The following ETV6 variants were observed in gnomAD, a reference collection of about 807,000 sequenced individuals.
ETV6 encodes ETS variant transcription factor 6, also known as transcription factor ETV6.
ETV6 carries 16 observed loss-of-function variants against 51.1 expected under a neutral mutation model. That is an observed-to-expected ratio of 0.31 (90% CI 0.21 to 0.48). ETV6 has a LOEUF of 0.48. ETV6 is among the 20% of genes least tolerant of loss of function. The pLI is 0.99. For missense variants in ETV6, 458 were observed against 594.8 expected (o/e 0.77, Z 2.39); for synonymous variants, 240 against 224.1 (o/e 1.07, Z -0.64).
Position 11,649,877 on chromosome 12 carries a change from C to G in ETV6, c.-251C>G, listed in dbSNP as rs1863855259. 1 of 150,694 alleles carries G rather than the reference C, an allele frequency of 6.6e-6. No homozygotes were observed. 9.3% of individuals were successfully genotyped at this position (150,694 alleles called of 1,614,324 possible). A position where few individuals can be genotyped will look rare whatever the true frequency, so the allele number is the denominator to read the frequency against. On this transcript the variant is annotated 5_prime_UTR_variant, in exon 1 of 8. Transcript: ENST00000396373. ...CTGCGTCCCGGGTCCCCGCGCCGCG[C>G]CGCGACCTGCAGACCCCGCCGCCGC...
In ETV6 at chr12:11,859,118, G is replaced by GCTTTTTTTTTTTT. The variant is rs1565555150; in HGVS notation, c.463+5557_463+5558insCTTTTTTTTTTTT. Among the ~76,000 whole-genome samples the GCTTTTTTTTTTTT allele has an allele frequency of 3.6e-3, 150 of 41,800 alleles. 72 individuals are homozygous for GCTTTTTTTTTTTT. The highest frequency in any genetic ancestry group is 8.8e-3 in the African/African-American group (126 of 14,398). The allele number at this position is 41,800 out of a possible 152,430, so 27.4% of individuals were successfully genotyped here. A position where few individuals can be genotyped will look rare whatever the true frequency, so the allele number is the denominator to read the frequency against. On this transcript the variant is annotated intron_variant, in intron 4 of 7. Coordinates refer to ENST00000396373, the MANE Select transcript of ETV6 (RefSeq NM_001987.5). ...TAAAGAAGATGAGGTATATGAATCT[G>GCTTTTTTTTTTTT]GTTTTTTTTTTTTTTTTTTTTTTTT...
chr12:11,666,779 C>G (rs1365794147), intron 1 of ETV6, among the ~76,000 whole-genome samples: 3 of 152,250 alleles, frequency 2.0e-5, no homozygotes, highest in African/African-American at 7.2e-5. Context: ...GAAACCGTCA[C>G]AAGTTTTCCT....
chr12:11,853,845 T>C (rs1278051034), intron 4 of ETV6, among the ~76,000 whole-genome samples: 1 of 152,152 alleles, frequency 6.6e-6, no homozygotes, highest in Non-Finnish European at 1.5e-5. Flanking sequence ...GGAAGCAGGG[T>C]CTTCTCATAA....
intron 1 of ETV6, among the ~76,000 whole-genome samples, chr12:11,703,219 A>G (rs529827430): frequency 1.9e-4 from 29 of 151,956 alleles, no homozygotes; most frequent in Non-Finnish European, 3.7e-4. Context: ...TCATTATTCA[A>G]CTGAAAGCAG....
At chr12:11,810,161 A>C (rs1945892514) in intron 2 of ETV6, among the ~76,000 whole-genome samples, 1 of 152,018 alleles carries the variant, frequency 6.6e-6, no homozygotes, top group African/African-American at 2.4e-5. Flanking sequence ...GCTGGTCCTG[A>C]GTATGAGTAG....
Position 11,758,945 on chromosome 12 carries a change from C to T in ETV6, c.163+6366C>T, listed in dbSNP as rs572396415. ...TGCTTGAAGCTTTCTACTTTCCCCG[C>T]GGCACATGTGGCTGTACGAGGGCCC... On this transcript the variant is annotated intron_variant, in intron 2 of 7. Transcript: ENST00000396373. 9.9e-5 allele frequency among the ~76,000 whole-genome samples: 15 copies of T among 152,282 alleles called. No homozygotes were observed. In the South Asian group the frequency reaches 2.9e-3, roughly 30 times the overall value.
intron 2 of ETV6, among the ~76,000 whole-genome samples, chr12:11,755,045 C>T (rs1186930474): frequency 6.6e-6 from 1 of 152,186 alleles, no homozygotes; most frequent in Non-Finnish European, 1.5e-5. Flanking sequence ...ATCTTATATC[C>T]ACTATACCAC....
chr12:11,750,015 T>C (rs1865992170), intron 1 of ETV6, among the ~76,000 whole-genome samples: 1 of 152,206 alleles, frequency 6.6e-6, no homozygotes, highest in African/African-American at 2.4e-5. Context: ...AGGAGATCAG[T>C]GGGCCACAGT....
At chr12:11,875,582 A>G (rs1467883271) in intron 5 of ETV6, among the ~76,000 whole-genome samples, 1 of 152,210 alleles carries the variant, frequency 6.6e-6, no homozygotes, top group African/African-American at 2.4e-5. Context: ...TCCGTGAGTC[A>G]TGTTTTCAGT....
At chr12:11,842,603 T>C (rs1283200805) in intron 3 of ETV6, among the ~76,000 whole-genome samples, 5 of 152,344 alleles carry the variant, frequency 3.3e-5, no homozygotes, top group Admixed American at 6.5e-5. Flanking sequence ...GGTTGAATGA[T>C]GACCCGGTTT....
At chr12:11,650,310 G>A in intron 1 of ETV6, 150 bp downstream of exon 1, 1 of 731,154 alleles carries the variant, frequency 1.4e-6, no homozygotes, top group Non-Finnish European at 2.4e-6. Flanking sequence ...GCAGCTCGCG[G>A]TGGCTGCTGT....
At position 11,869,535 on chromosome 12, in the gene ETV6, C is replaced by A. The variant is rs1032591469; in HGVS notation, c.575C>A (p.Pro192His). ...SRSPITTNHR[P>H]SPDPEQRPLR... ...TCACCTATCACGACAAATCACCGGCCTTCTCCTGACCCCGAGCAGCGGCCC... is the reference window on the plus strand; with the variant it reads ...TCACCTATCACGACAAATCACCGGCATTCTCCTGACCCCGAGCAGCGGCCC... The change falls in exon 5 of 8, where the codon CCT (proline) becomes CAT (histidine). Residue 192 changes from proline to histidine, a missense_variant. Around this residue, in one of 4 missense-constraint regions of ETV6, gnomAD observed 293 missense variants for 315.7 expected, o/e 0.93. Coordinates refer to ENST00000396373, the MANE Select transcript of ETV6 (RefSeq NM_001987.5). This position sits in a 1 kb window ranked among gnomAD's most constrained non-coding sequence, Gnocchi z 5.0. The A allele has an allele frequency of 1.9e-6, 3 of 1,614,040 alleles. No homozygotes were observed. Among genetic ancestry groups the A allele is most frequent in the Non-Finnish European group, 2.5e-6 (3 of 1,180,034 alleles).
At chr12:11,694,960 T>C (rs550834428) in intron 1 of ETV6, among the ~76,000 whole-genome samples, 3 of 152,344 alleles carry the variant, frequency 2.0e-5, no homozygotes, top group African/African-American at 7.2e-5. Flanking sequence ...GAACCGGTCA[T>C]GTAAAGATGG....
At chr12:11,818,003 T>C (rs1427727453) in intron 2 of ETV6, among the ~76,000 whole-genome samples, 1 of 152,156 alleles carries the variant, frequency 6.6e-6, no homozygotes, top group Non-Finnish European at 1.5e-5. Flanking sequence ...GAAAAGCATG[T>C]TGCAGACAGA....
rs150181730 is a variant in ETV6 at position 11,672,934 on chromosome 12, C to T, written c.33+22774C>T. On this transcript the variant is annotated intron_variant, in intron 1 of 7. Transcript: ENST00000396373. ...TGAATTAGCCAAGAGCAAAAGTTAT[C>T]GCCATCCTACTGCTCTGGGAAGGCT... 2.3e-3 allele frequency among the ~76,000 whole-genome samples: 345 copies of T among 152,320 alleles called. 2 individuals carry two copies. Among genetic ancestry groups the T allele is most frequent in the African/African-American group, 7.8e-3 (325 of 41,572 alleles).
chr12:11,693,915 A>G (rs569507121), intron 1 of ETV6, among the ~76,000 whole-genome samples: 12 of 152,284 alleles, frequency 7.9e-5, no homozygotes, highest in Non-Finnish European at 1.8e-4. Context: ...CAGGAGTCTC[A>G]CTTCTTGGAG....
chr12:11,684,761 T>G (rs1276502046), intron 1 of ETV6, among the ~76,000 whole-genome samples: 1 of 152,206 alleles, frequency 6.6e-6, no homozygotes, highest in African/African-American at 2.4e-5. Context: ...TTTCATATTA[T>G]CTAATTAATA....
intron 2 of ETV6, among the ~76,000 whole-genome samples, chr12:11,805,414 C>T (rs1379034633): frequency 1.3e-5 from 2 of 152,072 alleles, no homozygotes; most frequent in Admixed American, 1.3e-4. Flanking sequence ...TTTAGTGGGA[C>T]GTCAGACAGG....
At chr12:11,716,029 T>C (rs1174121361) in intron 1 of ETV6, among the ~76,000 whole-genome samples, 1 of 152,188 alleles carries the variant, frequency 6.6e-6, no homozygotes, top group Non-Finnish European at 1.5e-5. Context: ...TACTGAAAAG[T>C]TGAAGAAAGC....
Sources: allele counts gnomAD v4.1 joint callset (sites outside exome capture counted in the v4.1 genomes callset), GRCh38; gene constraint gnomAD v4.1.1; regional missense constraint gnomAD v4.1.1; non-coding constraint Gnocchi (gnomAD v3.1); transcripts MANE v1.5; gene names NCBI Gene and HGNC (gene_info 2026-07-23, HGNC 2026-07-21).